GPR157: variants seen among roughly 807,000 people sequenced by gnomAD.
The protein encoded by GPR157 is G protein-coupled receptor 157.
A neutral mutation model predicts 23.5 loss-of-function variants in GPR157; 16 were observed. That is an observed-to-expected ratio of 0.68 (90% confidence interval 0.46 to 1.04). The LOEUF (loss-of-function observed/expected upper bound fraction) is 1.04. Among genes scored for constraint, GPR157 ranks in the 50% least tolerant of loss-of-function variants. The pLI is 0.00. For synonymous variants in GPR157, 200 were observed against 221.5 expected, an observed-to-expected ratio of 0.90 and a Z score of 0.86; for missense variants, 440 against 460.7, an observed-to-expected ratio of 0.96 and a Z score of 0.41.
At chr1:9,104,659 G>C (rs1638231152) in intron 3 of GPR157, 25 bp from the exon 4 acceptor site, 1 of 1,536,686 alleles carries the variant, frequency 6.5e-7, no homozygotes, top group Non-Finnish European at 8.9e-7. Context: ...GGAGCTGTGA[G>C]CATGGGGCTG....
chr1:9,123,584 T>C (rs1235079695), intron 1 of GPR157, among the ~76,000 whole-genome samples: 29 of 116,004 alleles, frequency 2.5e-4, no homozygotes, highest in Admixed American at 6.4e-4. Context: ...AAATATATAT[T>C]TAATATTAAT....
At chr1:9,111,871 G>A (rs1638511548) in intron 1 of GPR157, among the ~76,000 whole-genome samples, 1 of 152,200 alleles carries the variant, frequency 6.6e-6, no homozygotes, top group Non-Finnish European at 1.5e-5. Flanking sequence ...TTGGGAGGCT[G>A]AGGCAGGAGA....
rs368478298 is a variant in GPR157, at chr1:9,105,600, C to T, written c.678G>A (p.Lys226=). ...TGAAGATGAGCGGGATGAGCACCAG[C>T]TTCTTGTCCGCCATGGAGGAGTGGC... is the stretch of plus-strand genomic sequence containing the variant. ...LLRHSSMADK[K]LVLIPLIFIG... Residue 226 remains lysine (K), a synonymous_variant, in exon 3 of 4, where the codon AAG becomes AAA. Transcript: ENST00000377411. The surrounding 1 kb of genome is among the most constrained non-coding windows in gnomAD (Gnocchi z 4.8). 493 of 1,612,200 alleles carry T rather than the reference C, an allele frequency of 3.1e-4. 13 individuals are homozygous for T. In the South Asian group the frequency reaches 5.2e-3, roughly 17 times the overall value.
At chr1:9,121,766 G>A (rs1301481151) in intron 1 of GPR157, among the ~76,000 whole-genome samples, 1 of 152,194 alleles carries the variant, frequency 6.6e-6, no homozygotes, top group Non-Finnish European at 1.5e-5. Context: ...GGCAAACATG[G>A]GGGGTCACAG....
intron 1 of GPR157, among the ~76,000 whole-genome samples, chr1:9,124,508 C>T (rs925617742): frequency 2.6e-5 from 4 of 152,100 alleles, no homozygotes; most frequent in Non-Finnish European, 2.9e-5. Flanking sequence ...GAATGGAATG[C>T]GACCCTTGTG....
rs993297632 is a variant in GPR157 at position 9,103,077 on chromosome 1, C to G, written c.*1342G>C. The G allele has an allele frequency of 2.2e-5, 3 of 138,454 alleles. No individual in the cohort carries two copies. The highest frequency in any genetic ancestry group is 3.0e-5 in the Non-Finnish European group (2 of 65,890). The allele number at this position is 138,454 out of a possible 1,614,324, so 8.6% of individuals were successfully genotyped here. On this transcript the variant is annotated 3_prime_UTR_variant, in exon 4 of 4. Transcript: ENST00000377411. ...ACAGGCACGCACCACCACATCAGCTCCGGGCGACAGAATGAGGCTCCTTTT... is the reference window on the plus strand; with the variant it reads ...ACAGGCACGCACCACCACATCAGCTGCGGGCGACAGAATGAGGCTCCTTTT...
intron 2 of GPR157, among the ~76,000 whole-genome samples, chr1:9,108,599 G>A (rs1638403885): frequency 6.6e-6 from 1 of 152,102 alleles, no homozygotes; most frequent in African/African-American, 2.4e-5. Context: ...CCATCACCTG[G>A]GCAGGAGACC....
intron 1 of GPR157, among the ~76,000 whole-genome samples, chr1:9,125,612 T>A (rs1304799798): frequency 6.6e-6 from 1 of 152,172 alleles, no homozygotes; most frequent in Non-Finnish European, 1.5e-5. Flanking sequence ...ATGGTTTCTG[T>A]CACTTCGCAT....
Position 9,105,757 on chromosome 1 carries a change from C to T in GPR157, c.598-77G>A. ...CGTCCACCCAGGCTGCCCAGGTCTT[C>T]CCAGGGACTTGAACTAGCTCAGGGA... is the stretch of plus-strand genomic sequence containing the variant. On this transcript the variant is annotated intron_variant, in intron 2 of 3. Coordinates refer to ENST00000377411, the MANE Select transcript of GPR157 (RefSeq NM_024980.5). This position sits in a 1 kb window ranked among gnomAD's most constrained non-coding sequence, Gnocchi z 4.8. The T allele has an allele frequency of 7.7e-7, 1 of 1,306,756 alleles. No homozygotes were observed. The highest frequency in any genetic ancestry group is 1.4e-5 in the South Asian group (1 of 70,776). 80.9% of individuals were successfully genotyped at this position (1,306,756 alleles called of 1,614,324 possible).
intron 1 of GPR157, among the ~76,000 whole-genome samples, chr1:9,111,828 G>A (rs1332967456): frequency 1.3e-5 from 2 of 152,144 alleles, no homozygotes; most frequent in African/African-American, 2.4e-5. Context: ...AAATTAGCTG[G>A]GCGTGGTGGT....
intron 2 of GPR157, 165 bp downstream of exon 2, chr1:9,111,111 G>T (rs1311597914): frequency 2.9e-6 from 2 of 686,046 alleles, no homozygotes; most frequent in Non-Finnish European, 2.6e-6. Context: ...ACAGCGTGTT[G>T]CATGGTGTCT....
intron 1 of GPR157, among the ~76,000 whole-genome samples, chr1:9,115,128 C>T (rs775293294): frequency 2.0e-5 from 3 of 151,974 alleles, no homozygotes; most frequent in Non-Finnish European, 4.4e-5. Context: ...GCGGGCTGAG[C>T]CAGACTGACT....
At chr1:9,116,349 AT>A (rs70985591) in intron 1 of GPR157, among the ~76,000 whole-genome samples, 134 of 8,042 alleles carry the variant, frequency 0.017, 6 homozygotes, top group African/African-American at 0.062. Context: ...TTTATATATA[AT>A]TATATATAAA....
rs550482640 is a variant in GPR157 at position 9,105,878 on chromosome 1, G to A, written c.598-198C>T. On this transcript the variant is annotated intron_variant, in intron 2 of 3. Transcript: ENST00000377411. This position sits in a 1 kb window ranked among gnomAD's most constrained non-coding sequence, Gnocchi z 4.8. ...CCCACCTCCACATGGAGGTCTCAAA[G>A]TCATCTGAAACAGCTCACATCCAAG... 6.6e-6 allele frequency among the ~76,000 whole-genome samples: 1 copy of A among 152,176 alleles called. No homozygotes were observed. Among genetic ancestry groups the A allele is most frequent in the South Asian group, 2.1e-4 (1 of 4,822 alleles).
chr1:9,118,896 G>A lies in GPR157; in HGVS notation c.384-7407C>T, dbSNP rs537976364. ...AAAAAAATACATAAATTAGCCAGGC[G>A]TGGTGGCACACACCTGAAGTCCCAG... On this transcript the variant is annotated intron_variant, in intron 1 of 3. Transcript: ENST00000377411. This position sits in a 1 kb window ranked among gnomAD's most constrained non-coding sequence, Gnocchi z 4.6. 2.6e-5 allele frequency among the ~76,000 whole-genome samples: 4 copies of A among 152,196 alleles called. No homozygotes were observed. The highest frequency in any genetic ancestry group is 7.2e-5 in the African/African-American group (3 of 41,510).
rs1642573021 is a variant in GPR157 at position 9,102,113 on chromosome 1, GA to G, written c.*2305del. ...TGTCTGTCTCACTAATTTCCATCAA[GA>G]AATCTGTTTTCTTGGACAGGCACAG... On this transcript the variant is annotated 3_prime_UTR_variant, in exon 4 of 4. Coordinates refer to ENST00000377411, the MANE Select transcript of GPR157 (RefSeq NM_024980.5). The G allele has an allele frequency of 6.6e-6, 1 of 152,024 alleles. No individual in the cohort carries two copies. The highest frequency in any genetic ancestry group is 1.5e-5 in the Non-Finnish European group (1 of 68,012). The allele number at this position is 152,024 out of a possible 1,614,324, so 9.4% of individuals were successfully genotyped here.
intron 1 of GPR157, among the ~76,000 whole-genome samples, chr1:9,123,116 C>G (rs1433054604): frequency 6.9e-6 from 1 of 144,946 alleles, no homozygotes; most frequent in Non-Finnish European, 1.5e-5. Flanking sequence ...AGAGATCGCA[C>G]CATTGTACCC....
rs1354003584 is a variant in GPR157, at chr1:9,123,639, A to ATTAATATTAAATATATATTAAATATATAT, written c.383+4977_383+5005dup. 2.6e-4 allele frequency among the ~76,000 whole-genome samples: 27 copies of ATTAATATTAAATATATATTAAATATATAT among 104,516 alleles called. 1 individual carries two copies. Among genetic ancestry groups the ATTAATATTAAATATATATTAAATATATAT allele is most frequent in the South Asian group, 8.8e-4 (3 of 3,404 alleles). 68.6% of individuals were successfully genotyped at this position (104,516 alleles called of 152,430 possible). On this transcript the variant is annotated intron_variant, in intron 1 of 3. Coordinates refer to ENST00000377411, the MANE Select transcript of GPR157 (RefSeq NM_024980.5). ...AAAATTAAATATATTTTAAATATACATTAATATTAAATATATATTAAATAT... is the reference window on the plus strand; with the variant it reads ...AAAATTAAATATATTTTAAATATACATTAATATTAAATATATATTAAATATATATTTAATATTAAATATATATTAAATAT...
At position 9,128,822 on chromosome 1, in the gene GPR157, A is replaced by T; in HGVS notation, c.206T>A (p.Leu69Gln). The change falls in exon 1 of 4, where the codon CTG becomes CAG. Residue 69 changes from leucine (L) to glutamine (Q), a missense_variant. Coordinates refer to ENST00000377411, the MANE Select transcript of GPR157 (RefSeq NM_024980.5). The surrounding 1 kb of genome is among the most constrained non-coding windows in gnomAD (Gnocchi z 6.3). ...CCACGACGGGCCCGCGAAGTTCTGC[A>T]GCACTCCGTAGAAGTAGGAGGCGGC... ...LSAASYFYGVLQNFAGPSWDC... is the reference protein window; with the variant it reads ...LSAASYFYGVQQNFAGPSWDC... 6.2e-7 allele frequency: 1 copy of T among 1,609,160 alleles called. No homozygotes were observed.
Sources: allele counts gnomAD v4.1 joint callset (sites outside exome capture counted in the v4.1 genomes callset), GRCh38; gene constraint gnomAD v4.1.1; non-coding constraint Gnocchi (gnomAD v3.1); transcripts MANE v1.5; gene names NCBI Gene and HGNC (gene_info 2026-07-23, HGNC 2026-07-21).